EEFSEC: variants seen among roughly 807,000 people sequenced by gnomAD.
The protein encoded by EEFSEC is selenocysteine-specific elongation factor.
Under a neutral mutation model 42.1 loss-of-function variants are expected in EEFSEC, and 43 were observed. The ratio of observed to expected loss-of-function variants is 1.02; its 90% CI spans 0.80 to 1.32. The LOEUF (loss-of-function observed/expected upper bound fraction) is 1.32, where lower values mean the gene tolerates loss of function less well. EEFSEC is among the 40% of genes most tolerant of loss of function. EEFSEC has a pLI of 0.00. For synonymous variants in EEFSEC, 354 were observed against 339.1 expected (o/e 1.04, Z -0.48); for missense variants, 745 against 803.6 (o/e 0.93, Z 0.88).
At chr3:128,313,327 G>A (rs1427962300) in intron 4 of EEFSEC, among the ~76,000 whole-genome samples, 3 of 152,198 alleles carry the variant, frequency 2.0e-5, no homozygotes, top group Non-Finnish European at 4.4e-5. Context: ...TGCAAGGAAG[G>A]GTTTATCCTC....
chr3:128,343,375 C>G (rs906905403), intron 5 of EEFSEC, among the ~76,000 whole-genome samples: 4 of 152,090 alleles, frequency 2.6e-5, no homozygotes, highest in Non-Finnish European at 5.9e-5. Flanking sequence ...GCCCCTGTAC[C>G]TAGACCTGCC....
At chr3:128,322,911 AC>A (rs1445436038) in intron 4 of EEFSEC, among the ~76,000 whole-genome samples, 1 of 152,162 alleles carries the variant, frequency 6.6e-6, no homozygotes, top group Admixed American at 6.5e-5. Flanking sequence ...GTTAGGAAGT[AC>A]CCTCTGACTC....
chr3:128,225,285 G>T (rs2065897479), intron 1 of EEFSEC, among the ~76,000 whole-genome samples: 1 of 152,196 alleles, frequency 6.6e-6, no homozygotes. Context: ...GGCAAGTCCA[G>T]CCCCAGCCCT....
the EEFSEC span, among the ~76,000 whole-genome samples, chr3:128,416,544 G>T: frequency 2.0e-5 from 3 of 152,162 alleles, no homozygotes; most frequent in African/African-American, 7.2e-5. Context: ...CTGAAAGAAT[G>T]AACTGCTGGT....
At position 128,153,814 on chromosome 3, in the gene EEFSEC, A is replaced by G. The variant is rs1201012935; in HGVS notation, c.307A>G (p.Ile103Val). 4 of 1,512,450 alleles carry G rather than the reference A, an allele frequency of 2.6e-6. No individual in the cohort carries two copies. The South Asian group carries it at 4.9e-5, about 18-fold the overall frequency. 93.7% of individuals were successfully genotyped at this position (1,512,450 alleles called of 1,614,324 possible). ...CGGGCACGCCTCCCTCATCCGGACCATCATCGGCGGTGAGCGCGGGCCGGG... is the reference window on the plus strand; with the variant it reads ...CGGGCACGCCTCCCTCATCCGGACCGTCATCGGCGGTGAGCGCGGGCCGGG... ...CPGHASLIRT[I>V]IGGAQIIDLM... The change falls in exon 1 of 7, where the codon ATC becomes GTC. Residue 103 changes from isoleucine (I) to valine (V), a missense_variant. Ile to Val is a conservative substitution (Grantham distance 29). Coordinates refer to ENST00000254730, the MANE Select transcript of EEFSEC (RefSeq NM_021937.5).
chr3:128,365,166 G>A (rs942676770), intron 6 of EEFSEC, among the ~76,000 whole-genome samples: 45 of 152,204 alleles, frequency 3.0e-4, no homozygotes, highest in African/African-American at 8.4e-4. Context: ...TGGGCCCTCC[G>A]TGTACAGACC....
intron 4 of EEFSEC, among the ~76,000 whole-genome samples, chr3:128,340,009 T>C (rs981407289): frequency 6.6e-6 from 1 of 152,136 alleles, no homozygotes; most frequent in Admixed American, 6.5e-5. Flanking sequence ...CCACAACACA[T>C]GGGAATTAAG....
chr3:128,272,004 A>G (rs1274782922), intron 4 of EEFSEC, among the ~76,000 whole-genome samples: 1 of 152,180 alleles, frequency 6.6e-6, no homozygotes, highest in Non-Finnish European at 1.5e-5. Flanking sequence ...TCTGGTTTCA[A>G]AGGACAGAAA....
At chr3:128,425,738 G>A in the EEFSEC span, among the ~76,000 whole-genome samples, 2 of 152,086 alleles carry the variant, frequency 1.3e-5, no homozygotes, top group East Asian at 1.9e-4. Flanking sequence ...CTGTCCTGTG[G>A]GCAGCAGGCA....
rs201623108 is a variant in EEFSEC at position 128,250,911 on chromosome 3, G to T, written c.524+3868G>T. Among the ~76,000 whole-genome samples the T allele has an allele frequency of 6.6e-3, 716 of 108,550 alleles. 8 individuals carry two copies. Among genetic ancestry groups the T allele is most frequent in the African/African-American group, 0.022 (637 of 28,646 alleles). The allele number at this position is 108,550 out of a possible 152,430, so 71.2% of individuals were successfully genotyped here. ...TTTAAGTCATCTTTAGTTTTTTTTG[G>T]TTTTTTTTTTTTTTTTTTAGCAATG... is the stretch of plus-strand genomic sequence containing the variant. On this transcript the variant is annotated intron_variant, in intron 2 of 6. Transcript: ENST00000254730.
At chr3:128,210,179 G>A (rs1576547295) in intron 1 of EEFSEC, among the ~76,000 whole-genome samples, 3 of 152,188 alleles carry the variant, frequency 2.0e-5, no homozygotes, top group Admixed American at 1.3e-4. Flanking sequence ...AAACTGTTTC[G>A]TTATTTAGTA....
At chr3:128,338,381 T>C (rs1311581370) in intron 4 of EEFSEC, among the ~76,000 whole-genome samples, 1 of 152,074 alleles carries the variant, frequency 6.6e-6, no homozygotes, top group Non-Finnish European at 1.5e-5. Context: ...GAAAGGGCAA[T>C]GAACTCATGG....
intron 1 of EEFSEC, among the ~76,000 whole-genome samples, chr3:128,200,220 G>A (rs1035598980): frequency 1.3e-5 from 2 of 152,130 alleles, no homozygotes; most frequent in African/African-American, 4.8e-5. Flanking sequence ...TTTATTGTCC[G>A]TCTGCTATGA....
chr3:128,403,179 T>C (rs1204247297), intron 6 of EEFSEC, among the ~76,000 whole-genome samples: 3 of 152,050 alleles, frequency 2.0e-5, no homozygotes, highest in Non-Finnish European at 4.4e-5. Context: ...GCGGAGGGAT[T>C]GGCAAAGACA....
At chr3:128,157,031 C>A (rs1196722064) in intron 1 of EEFSEC, among the ~76,000 whole-genome samples, 2 of 152,102 alleles carry the variant, frequency 1.3e-5, no homozygotes, top group African/African-American at 4.8e-5. Flanking sequence ...AGGAAAAGTT[C>A]CTGAAGGAAA....
chr3:128,355,023 C>T (rs1049294116), intron 5 of EEFSEC, among the ~76,000 whole-genome samples: 9 of 152,180 alleles, frequency 5.9e-5, no homozygotes, highest in Non-Finnish European at 1.3e-4. Context: ...TCAGATGAAT[C>T]GTGTCTCCCA....
chr3:128,281,417 A>C (rs1391506170), intron 4 of EEFSEC, among the ~76,000 whole-genome samples: 1 of 152,204 alleles, frequency 6.6e-6, no homozygotes, highest in African/African-American at 2.4e-5. Flanking sequence ...GTGGTGTGGC[A>C]GCCTCCAGCC....
At chr3:128,244,264 C>G (rs953802867) in intron 1 of EEFSEC, among the ~76,000 whole-genome samples, 1 of 152,316 alleles carries the variant, frequency 6.6e-6, no homozygotes, top group South Asian at 2.1e-4. Context: ...GGTTAGGACC[C>G]GGAAGACAGT....
At chr3:128,165,923 G>A (rs1245084638) in intron 1 of EEFSEC, among the ~76,000 whole-genome samples, 1 of 152,192 alleles carries the variant, frequency 6.6e-6, no homozygotes, top group Admixed American at 6.5e-5. Flanking sequence ...ATACATGACG[G>A]TGTGGCACTT....
Sources: allele counts gnomAD v4.1 joint callset (sites outside exome capture counted in the v4.1 genomes callset), GRCh38; gene constraint gnomAD v4.1.1; transcripts MANE v1.5; gene names NCBI Gene and HGNC (gene_info 2026-07-23, HGNC 2026-07-21).